The following FRMPD4 variants were observed in gnomAD, a reference collection of about 807,000 sequenced individuals.
FRMPD4 encodes the protein FERM and PDZ domain containing 4.
FRMPD4 carries 22 observed loss-of-function variants against 94.1 expected under a neutral mutation model. The ratio of observed to expected loss-of-function variants is 0.23; its 90% confidence interval spans 0.17 to 0.33. The LOEUF (loss-of-function observed/expected upper bound fraction) is 0.33. Ranked by LOEUF, FRMPD4 falls within the 10% of genes least tolerant of loss-of-function variation. FRMPD4 has a pLI of 1.00. For missense variants in FRMPD4, 1,111 were observed against 1,339.9 expected, an observed-to-expected ratio of 0.83 and a Z score of 2.67; for synonymous variants, 631 against 548.6, an observed-to-expected ratio of 1.15 and a Z score of -2.10.
At position 12,142,532 on chromosome X, in the gene FRMPD4, C is replaced by T. The variant is rs1040497957; in HGVS notation, c.41+3520C>T. ...GCTCTGGAGGCTAGCAATGAAAAAA[C>T]CCCAAAGACTCTGGATTTGAATTTT... On this transcript the variant is annotated intron_variant, in intron 1 of 16. Coordinates refer to ENST00000675598, the MANE Select transcript of FRMPD4 (RefSeq NM_001368397.1). 3.6e-5 allele frequency among the ~76,000 whole-genome samples: 4 copies of T among 111,287 alleles called. No individual in the cohort carries two copies. The Admixed American group carries it at 3.8e-4, about 11-fold the overall frequency.
At chrX:12,243,663 T>C (rs949394628) in intron 1 of FRMPD4, among the ~76,000 whole-genome samples, 23 of 110,084 alleles carry the variant, frequency 2.1e-4, no homozygotes, top group Non-Finnish European at 4.4e-4. Context: ...TTTTTTTTTT[T>C]CCATGGAAGT....
At chrX:12,338,916 G>A (rs1228032559) in intron 1 of FRMPD4, among the ~76,000 whole-genome samples, 1 of 112,334 alleles carries the variant, frequency 8.9e-6, no homozygotes, top group African/African-American at 3.2e-5. Flanking sequence ...GGGTAAGTGG[G>A]AATTCACCAG....
chrX:12,179,777 AT>A (rs1176630535), intron 1 of FRMPD4, among the ~76,000 whole-genome samples: 1 of 111,583 alleles, frequency 9.0e-6, no homozygotes, highest in Non-Finnish European at 1.9e-5. Context: ...GGATTTTATT[AT>A]GTTTAATAAG....
At chrX:12,394,954 G>C (rs183288150) in intron 1 of FRMPD4, among the ~76,000 whole-genome samples, 15 of 111,641 alleles carry the variant, frequency 1.3e-4, no homozygotes, top group African/African-American at 4.9e-4. Context: ...AGACTTTCAG[G>C]CAGGCCACGT....
At chrX:12,132,037 A>C (rs1211300259) in intron 3 of FRMPD4, among the ~76,000 whole-genome samples, 1 of 111,810 alleles carries the variant, frequency 8.9e-6, no homozygotes, top group African/African-American at 3.3e-5. Flanking sequence ...CATGCACACA[A>C]GGTGAAAAGT....
rs1221615906 is a variant in FRMPD4, at chrX:12,716,994, C to A, written c.2535C>A (p.Ile845=). ...GCAGCAGCCTGCAAAATGATGAGAT[C>A]CCCGTGTCCCTCATTGACGCTGTGC... ...EKGSSLQNDE[I]PVSLIDAVPT... The change falls in exon 15 of 17, where the codon ATC becomes ATA. Residue 845 remains isoleucine (I), a synonymous_variant. Coordinates refer to ENST00000675598, the MANE Select transcript of FRMPD4 (RefSeq NM_001368397.1). 2 of 1,209,509 alleles carry A rather than the reference C, an allele frequency of 1.7e-6. No individual in the cohort carries two copies. The highest frequency in any genetic ancestry group is 2.3e-4 in the Middle Eastern group (1 of 4,346).
intron 1 of FRMPD4, among the ~76,000 whole-genome samples, chrX:12,184,221 T>C (rs2056396380): frequency 1.8e-5 from 2 of 111,123 alleles, no homozygotes; most frequent in African/African-American, 6.5e-5. Context: ...CTTTAGAGAA[T>C]AGAAATAAAA....
In FRMPD4 at chrX:12,621,674, T is replaced by A. The variant is rs372375065; in HGVS notation, c.422+6793T>A. Among the ~76,000 whole-genome samples, 558 of 58,556 alleles carry A rather than the reference T, an allele frequency of 9.5e-3. 10 individuals carry two copies. Among genetic ancestry groups the A allele is most frequent in the African/African-American group, 0.036 (513 of 14,375 alleles). 50.8% of individuals were successfully genotyped at this position (58,556 alleles called of 115,157 possible). A position where few individuals can be genotyped will look rare whatever the true frequency, so the allele number is the denominator to read the frequency against. On this transcript the variant is annotated intron_variant, in intron 4 of 16. Transcript: ENST00000675598. ...CCCATCTCTACAAAAATTAGCCAGA[T>A]GTGGTGGCCCGAATCTGTAGTCCCA... is the stretch of plus-strand genomic sequence containing the variant.
At chrX:12,166,184 G>T (rs747063699) in intron 1 of FRMPD4, among the ~76,000 whole-genome samples, 2 of 111,686 alleles carry the variant, frequency 1.8e-5, no homozygotes, top group South Asian at 7.5e-4. Context: ...ATTGGCTGTG[G>T]GTTTGTCATA....
At chrX:12,343,017 G>A (rs1161373866) in intron 1 of FRMPD4, among the ~76,000 whole-genome samples, 1 of 111,921 alleles carries the variant, frequency 8.9e-6, no homozygotes, top group African/African-American at 3.3e-5. Context: ...ACTTAGAAGT[G>A]GAATGATGTG....
At chrX:11,915,168 T>C (rs1470043010) in intron 3 of FRMPD4, among the ~76,000 whole-genome samples, 1 of 112,593 alleles carries the variant, frequency 8.9e-6, no homozygotes, top group African/African-American at 3.2e-5. Flanking sequence ...TAAATAAGAA[T>C]TGTCAATAAC....
intron 1 of FRMPD4, among the ~76,000 whole-genome samples, chrX:12,465,534 G>C (rs2057440569): frequency 9.0e-6 from 1 of 111,239 alleles, no homozygotes; most frequent in African/African-American, 3.3e-5. Flanking sequence ...TCATTCCATT[G>C]GTTAGAAAAC....
At chrX:12,562,075 T>G (rs1049884241) in intron 2 of FRMPD4, among the ~76,000 whole-genome samples, 1 of 111,985 alleles carries the variant, frequency 8.9e-6, no homozygotes, top group African/African-American at 3.3e-5. Context: ...TAAGCCAAAT[T>G]TATTCAAGGG....
At position 12,288,819 on chromosome X, in the gene FRMPD4, T is replaced by C. The variant is rs571610970; in HGVS notation, c.41+149807T>C. Among the ~76,000 whole-genome samples the C allele has an allele frequency of 5.4e-5, 6 of 111,856 alleles. No homozygotes were observed. In the South Asian group the frequency reaches 2.2e-3, roughly 42 times the overall value. ...TAATGGACACTATTTGTCCCTCCTT[T>C]TAAAAAGAGTGCTTTGATAATTTGT... On this transcript the variant is annotated intron_variant, in intron 1 of 16. Transcript: ENST00000675598.
rs138936392 is a variant in FRMPD4, at chrX:12,234,551, A to G, written c.41+95539A>G. On this transcript the variant is annotated intron_variant, in intron 1 of 16. Coordinates refer to ENST00000675598, the MANE Select transcript of FRMPD4 (RefSeq NM_001368397.1). ...ACTAATACCACATAAAGATGATTAT[A>G]CTGAGCAGCACTCTTGGGTTTCTCC... is the stretch of plus-strand genomic sequence containing the variant. Among the ~76,000 whole-genome samples, 595 of 111,568 alleles carry G rather than the reference A, an allele frequency of 5.3e-3. 2 individuals are homozygous for G. Among genetic ancestry groups the G allele is most frequent in the Non-Finnish European group, 9.5e-3 (506 of 53,087 alleles).
At chrX:12,481,950 A>AAAAAATAAAAAAAAT (rs2057689165) in intron 1 of FRMPD4, among the ~76,000 whole-genome samples, 13 of 88,386 alleles carry the variant, frequency 1.5e-4, no homozygotes, top group Non-Finnish European at 2.3e-4. Flanking sequence ...CTCAAAAAAA[A>AAAAAATAAAAAAAAT]AAAAAAAAAA....
At chrX:12,207,479 A>G (rs1185947287) in intron 1 of FRMPD4, among the ~76,000 whole-genome samples, 1 of 110,744 alleles carries the variant, frequency 9.0e-6, no homozygotes, top group Non-Finnish European at 1.9e-5. Context: ...GCTGATAATA[A>G]CTGTACATTA....
At chrX:12,310,129 C>T (rs1002432969) in intron 1 of FRMPD4, among the ~76,000 whole-genome samples, 1 of 109,198 alleles carries the variant, frequency 9.2e-6, no homozygotes, top group Non-Finnish European at 1.9e-5. Context: ...AGAGAGTCAG[C>T]GAAGGGAGAT....
chrX:11,980,420 T>A (rs1047867042), intron 3 of FRMPD4, among the ~76,000 whole-genome samples: 7 of 111,560 alleles, frequency 6.3e-5, no homozygotes, highest in Admixed American at 5.7e-4. Flanking sequence ...CTTTGATCCA[T>A]TTTTGGTTTG....
Sources: allele counts gnomAD v4.1 joint callset (sites outside exome capture counted in the v4.1 genomes callset), GRCh38; gene constraint gnomAD v4.1.1; transcripts MANE v1.5; gene names NCBI Gene and HGNC (gene_info 2026-07-23, HGNC 2026-07-21).